Variants in LDB2 observed in about 807,000 individuals in gnomAD.
LDB2 encodes the protein LIM domain binding 2.
LDB2 carries 12 observed loss-of-function variants against 44.3 expected under a neutral mutation model. The ratio of observed to expected loss-of-function variants is 0.27; its 90% CI spans 0.17 to 0.44. The LOEUF (loss-of-function observed/expected upper bound fraction) is 0.44. Among genes scored for constraint, LDB2 ranks in the 20% least tolerant of loss-of-function variants. The pLI, the probability that LDB2 is intolerant of heterozygous loss-of-function variation, is 1.00. For missense variants in LDB2, 344 were observed against 473.5 expected (o/e 0.73, Z 2.54); for synonymous variants, 164 against 174.8 (o/e 0.94, Z 0.49).
chr4:16,693,361 T>TTTTTC (rs1553965156), intron 2 of LDB2, among the ~76,000 whole-genome samples: 1 of 147,528 alleles, frequency 6.8e-6, no homozygotes, highest in African/African-American at 2.5e-5. Flanking sequence ...TTTTTTTTTT[T>TTTTTC]TTTTTTTTGA....
chr4:16,645,361 C>T (rs936406617), intron 2 of LDB2, among the ~76,000 whole-genome samples: 1 of 151,150 alleles, frequency 6.6e-6, no homozygotes, highest in Admixed American at 6.6e-5. Context: ...AAGGTGAAAC[C>T]CCGTCTCTAC....
chr4:16,517,427 A>G (rs1489727278), intron 5 of LDB2, among the ~76,000 whole-genome samples: 1 of 152,188 alleles, frequency 6.6e-6, no homozygotes, highest in Non-Finnish European at 1.5e-5. Context: ...AAAAAAACTA[A>G]TCTGCACAGT....
At chr4:16,630,325 T>C (rs1731555758) in intron 2 of LDB2, among the ~76,000 whole-genome samples, 1 of 152,170 alleles carries the variant, frequency 6.6e-6, no homozygotes, top group Admixed American at 6.5e-5. Flanking sequence ...GAATTTCATA[T>C]CCAGCCAAAC....
Position 16,633,205 on chromosome 4 carries a change from C to T in LDB2, c.236-37330G>A, listed in dbSNP as rs567966385. Among the ~76,000 whole-genome samples, 17 of 152,246 alleles carry T rather than the reference C, an allele frequency of 1.1e-4. No homozygotes were observed. In the South Asian group the frequency reaches 3.1e-3, roughly 28 times the overall value. On this transcript the variant is annotated intron_variant, in intron 2 of 7. Coordinates refer to ENST00000304523, the MANE Select transcript of LDB2 (RefSeq NM_001290.5). ...CACAAGGACAGAAAACCAAACACTC[C>T]ATGTTCTCACTCATAGGTGGGAATT...
chr4:16,747,718 T>A (rs1235335467), intron 2 of LDB2, among the ~76,000 whole-genome samples: 1 of 152,150 alleles, frequency 6.6e-6, no homozygotes, highest in East Asian at 1.9e-4. Context: ...CAGACACAAA[T>A]AATTATCCTT....
chr4:16,522,290 G>A (rs928027012), intron 5 of LDB2, among the ~76,000 whole-genome samples: 5 of 152,198 alleles, frequency 3.3e-5, no homozygotes, highest in Admixed American at 2.0e-4. Context: ...GTGTGTGTGT[G>A]TGTGTGTATG....
rs1422106949 is a variant in LDB2 at position 16,739,616 on chromosome 4, ATACATGTGTGTG to A, written c.235+19530_235+19541del. 2.3e-3 allele frequency among the ~76,000 whole-genome samples: 194 copies of A among 83,628 alleles called. 19 individuals carry two copies. The East Asian group carries it at 0.024, about 10-fold the overall frequency. The allele number at this position is 83,628 out of a possible 152,430, so 54.9% of individuals were successfully genotyped here. A position where few individuals can be genotyped will look rare whatever the true frequency, so the allele number is the denominator to read the frequency against. ...TATATATATATATATATATGTATAT[ATACATGTGTGTG>A]TATATATGTATATATACATATGTGT... On this transcript the variant is annotated intron_variant, in intron 2 of 7. Coordinates refer to ENST00000304523, the MANE Select transcript of LDB2 (RefSeq NM_001290.5).
intron 1 of LDB2, among the ~76,000 whole-genome samples, chr4:16,788,055 G>A (rs1053347335): frequency 1.3e-5 from 2 of 152,212 alleles, no homozygotes; most frequent in African/African-American, 4.8e-5. Context: ...CCTGGCTGCA[G>A]AAGTCGATCC....
At chr4:16,888,638 C>G in intron 1 of LDB2, 1 of 814,336 alleles carries the variant, frequency 1.2e-6, no homozygotes, top group Non-Finnish European at 1.5e-6. Context: ...TTTAAAGATA[C>G]TTTTAAGAAA....
At chr4:16,598,666 T>C (rs1721718002) in intron 2 of LDB2, among the ~76,000 whole-genome samples, 1 of 151,994 alleles carries the variant, frequency 6.6e-6, no homozygotes, top group Non-Finnish European at 1.5e-5. Flanking sequence ...CAAATAAGAA[T>C]CCTTCCCTGA....
chr4:16,665,114 G>A (rs981910174), intron 2 of LDB2, among the ~76,000 whole-genome samples: 13 of 152,158 alleles, frequency 8.5e-5, no homozygotes, highest in African/African-American at 2.7e-4. Context: ...GGAAAAGAAG[G>A]TGAGCAGAAA....
chr4:16,819,718 G>C (rs1227883388), intron 1 of LDB2, among the ~76,000 whole-genome samples: 1 of 152,124 alleles, frequency 6.6e-6, no homozygotes, highest in Admixed American at 6.5e-5. Flanking sequence ...AATTAACTCA[G>C]AGGATACCAT....
intron 2 of LDB2, among the ~76,000 whole-genome samples, chr4:16,746,573 T>G (rs960310315): frequency 6.6e-6 from 1 of 152,080 alleles, no homozygotes; most frequent in Non-Finnish European, 1.5e-5. Context: ...ACTCACTGGA[T>G]GTCAGGAGTT....
chr4:16,642,291 T>G (rs1406481200), intron 2 of LDB2, among the ~76,000 whole-genome samples: 3 of 152,058 alleles, frequency 2.0e-5, no homozygotes, highest in Non-Finnish European at 4.4e-5. Flanking sequence ...GACAAAGAAC[T>G]GTATAGTAAC....
At chr4:16,604,888 T>G (rs1034346160) in intron 2 of LDB2, among the ~76,000 whole-genome samples, 4 of 152,164 alleles carry the variant, frequency 2.6e-5, no homozygotes, top group Admixed American at 6.5e-5. Flanking sequence ...ATATACCACA[T>G]TTTTGGATAA....
At chr4:16,825,100 G>A (rs144209450) in intron 1 of LDB2, among the ~76,000 whole-genome samples, 19 of 152,310 alleles carry the variant, frequency 1.2e-4, no homozygotes, top group African/African-American at 4.6e-4. Flanking sequence ...TGGCTGGAAA[G>A]AGAGACCCTG....
At chr4:16,541,077 T>C (rs754874397) in intron 5 of LDB2, among the ~76,000 whole-genome samples, 1 of 152,206 alleles carries the variant, frequency 6.6e-6, no homozygotes, top group Non-Finnish European at 1.5e-5. Flanking sequence ...TTCAGAGTTA[T>C]GTGGGGGCAT....
intron 2 of LDB2, among the ~76,000 whole-genome samples, chr4:16,640,527 G>C (rs188148318): frequency 6.6e-6 from 1 of 152,250 alleles, no homozygotes; most frequent in Admixed American, 6.5e-5. Context: ...CAGATCCATG[G>C]GGTGAAGGGA....
intron 5 of LDB2, among the ~76,000 whole-genome samples, chr4:16,536,363 A>AATTG (rs1231503999): frequency 2.0e-5 from 3 of 152,074 alleles, no homozygotes; most frequent in Admixed American, 6.6e-5. Flanking sequence ...TGGCTTTCCA[A>AATTG]ATTGATTGTG....
Sources: gnomAD v4.1 joint callset for allele counts (sites outside exome capture counted in the v4.1 genomes callset) on GRCh38, gnomAD v4.1.1 for gene constraint, MANE v1.5 for transcripts, NCBI Gene and HGNC (gene_info 2026-07-23, HGNC 2026-07-21) for gene names.